Variants in FGD4 observed in about 807,000 individuals in gnomAD.
The protein encoded by FGD4 is FYVE, RhoGEF and PH domain containing 4.
Under a neutral mutation model 102.0 loss-of-function variants are expected in FGD4, and 42 were observed. That is an observed-to-expected ratio of 0.41 (90% CI 0.32 to 0.53). The LOEUF (loss-of-function observed/expected upper bound fraction) is 0.53, where lower values mean the gene tolerates loss of function less well. Among genes scored for constraint, FGD4 ranks in the 20% least tolerant of loss-of-function variants. The pLI, the probability that FGD4 is intolerant of heterozygous loss-of-function variation, is 0.21. For missense variants in FGD4, 902 were observed against 1,078.2 expected (o/e 0.84, Z 2.29); for synonymous variants, 380 against 375.7 (o/e 1.01, Z -0.13).
intron 1 of FGD4, among the ~76,000 whole-genome samples, chr12:32,456,510 CT>C (rs1942952510): frequency 6.6e-6 from 1 of 152,094 alleles, no homozygotes; most frequent in Non-Finnish European, 1.5e-5. Flanking sequence ...AGAATTTATT[CT>C]GCTCAAAACT....
At chr12:32,600,489 T>C in intron 5 of FGD4, 1 of 1,269,946 alleles carries the variant, frequency 7.9e-7, no homozygotes, top group South Asian at 1.3e-5. Flanking sequence ...TGCCTACATG[T>C]AACAGAATGG....
chr12:32,481,933 A>G (rs936803072), intron 1 of FGD4, among the ~76,000 whole-genome samples: 1 of 152,218 alleles, frequency 6.6e-6, no homozygotes, highest in East Asian at 1.9e-4. Context: ...ACAATTATAG[A>G]ACATTTTCAT....
chr12:32,601,881 C>T (rs574231226), intron 6 of FGD4, among the ~76,000 whole-genome samples: 2 of 152,070 alleles, frequency 1.3e-5, no homozygotes, highest in South Asian at 2.1e-4. Flanking sequence ...CCAAGGCAGG[C>T]GGATCCCTTG....
At chr12:32,415,807 G>A (rs1941390344) in intron 1 of FGD4, among the ~76,000 whole-genome samples, 4 of 152,046 alleles carry the variant, frequency 2.6e-5, no homozygotes, top group South Asian at 2.1e-4. Context: ...ATATAGTGAC[G>A]TTATATGTGT....
chr12:32,608,291 T>C (rs1413123711), intron 8 of FGD4, among the ~76,000 whole-genome samples, 196 bp downstream of exon 8: 1 of 152,246 alleles, frequency 6.6e-6, no homozygotes, highest in Non-Finnish European at 1.5e-5. Context: ...TTTAGAGCAA[T>C]GCAAATCACA....
At chr12:32,410,185 G>C (rs971063920) in intron 1 of FGD4, among the ~76,000 whole-genome samples, 1 of 152,010 alleles carries the variant, frequency 6.6e-6, no homozygotes, top group African/African-American at 2.4e-5. Context: ...AAAATTAGCC[G>C]GGTCTGGTGG....
intron 1 of FGD4, among the ~76,000 whole-genome samples, chr12:32,407,551 A>G (rs960744088): frequency 6.6e-6 from 1 of 152,024 alleles, no homozygotes; most frequent in Non-Finnish European, 1.5e-5. Flanking sequence ...CGAGATTTGC[A>G]GGAATAAGAC....
At chr12:32,576,972 C>T (rs1330386552) in intron 3 of FGD4, among the ~76,000 whole-genome samples, 2 of 152,018 alleles carry the variant, frequency 1.3e-5, no homozygotes, top group Non-Finnish European at 2.9e-5. Context: ...TATACTCCAT[C>T]ATATGCTAGG....
intron 1 of FGD4, among the ~76,000 whole-genome samples, chr12:32,415,233 C>T (rs1030420027): frequency 6.6e-6 from 1 of 152,060 alleles, no homozygotes; most frequent in Non-Finnish European, 1.5e-5. Flanking sequence ...GATCCATATG[C>T]TCAGGAGGAT....
chr12:32,459,252 G>A (rs1243474907), intron 1 of FGD4, among the ~76,000 whole-genome samples: 2 of 139,326 alleles, frequency 1.4e-5, no homozygotes, highest in Admixed American at 8.1e-5. Context: ...GGAATCCATC[G>A]ATACACTCTC....
intron 1 of FGD4, among the ~76,000 whole-genome samples, chr12:32,426,101 T>C (rs992745439): frequency 2.0e-5 from 3 of 152,206 alleles, no homozygotes; most frequent in African/African-American, 7.2e-5. Flanking sequence ...CAATACTATG[T>C]TGAATAGGAG....
intron 1 of FGD4, among the ~76,000 whole-genome samples, chr12:32,465,984 C>G (rs1943243228): frequency 6.6e-6 from 1 of 152,130 alleles, no homozygotes; most frequent in Non-Finnish European, 1.5e-5. Context: ...TGCTATGTTG[C>G]TCAGGCTGGT....
intron 4 of FGD4, among the ~76,000 whole-genome samples, chr12:32,586,461 G>A (rs2136472151): frequency 6.6e-6 from 1 of 152,294 alleles, no homozygotes; most frequent in South Asian, 2.1e-4. Flanking sequence ...ATCCTGTTTT[G>A]TTGGGTTATA....
At chr12:32,625,942 C>T (rs899516468) in intron 14 of FGD4, among the ~76,000 whole-genome samples, 163 bp downstream of exon 14, 6 of 152,138 alleles carry the variant, frequency 3.9e-5, no homozygotes, top group Non-Finnish European at 5.9e-5. Context: ...GGAGAAAAAA[C>T]GTTAGACAAA....
At chr12:32,549,372 G>A (rs976112565) in intron 1 of FGD4, among the ~76,000 whole-genome samples, 4 of 152,120 alleles carry the variant, frequency 2.6e-5, no homozygotes, top group Admixed American at 6.5e-5. Context: ...TCTGGGGTTC[G>A]GAAGGAACTG....
At chr12:32,533,911 C>G (rs1942018206) in intron 1 of FGD4, among the ~76,000 whole-genome samples, 1 of 152,144 alleles carries the variant, frequency 6.6e-6, no homozygotes, top group Admixed American at 6.5e-5. Flanking sequence ...TCACTGAAAT[C>G]AATGAGCTAT....
Position 32,420,834 on chromosome 12 carries a change from A to C in FGD4, c.166+20875A>C, listed in dbSNP as rs111829017. Among the ~76,000 whole-genome samples, 11 of 152,294 alleles carry C rather than the reference A, an allele frequency of 7.2e-5. 1 individual carries two copies. Among genetic ancestry groups the C allele is most frequent in the African/African-American group, 2.6e-4 (11 of 41,568 alleles). ...TTCAGGGGCTCAATAGATATTGAAT[A>C]AACAGAAGAACCCCAAACTAGTTGG... On this transcript the variant is annotated intron_variant, in intron 1 of 16. Coordinates refer to ENST00000534526, the MANE Select transcript of FGD4 (RefSeq NM_001370298.3).
chr12:32,630,427 G>A (rs1357068820), intron 14 of FGD4, among the ~76,000 whole-genome samples: 1 of 152,164 alleles, frequency 6.6e-6, no homozygotes, highest in Non-Finnish European at 1.5e-5. Flanking sequence ...TATAATCCCA[G>A]CACTTTCGGA....
chr12:32,530,216 C>T (rs1941660829), intron 1 of FGD4, among the ~76,000 whole-genome samples: 1 of 152,074 alleles, frequency 6.6e-6, no homozygotes, highest in African/African-American at 2.4e-5. Flanking sequence ...GGCATGGTGG[C>T]TCATGCCTGT....
Sources: gnomAD v4.1 joint callset for allele counts (sites outside exome capture counted in the v4.1 genomes callset) on GRCh38, gnomAD v4.1.1 for gene constraint, MANE v1.5 for transcripts, NCBI Gene and HGNC (gene_info 2026-07-23, HGNC 2026-07-21) for gene names.